Variants in NAV3 observed in about 807,000 individuals in gnomAD.
NAV3 encodes the protein neuron navigator 3.
NAV3 carries 87 observed loss-of-function variants against 244.7 expected under a neutral mutation model. That is an observed-to-expected ratio of 0.36 (90% CI 0.30 to 0.42). NAV3 has a LOEUF of 0.42. NAV3 is among the 20% of genes least tolerant of loss of function. The pLI, the probability that NAV3 is intolerant of heterozygous loss-of-function variation, is 1.00. For synonymous variants in NAV3, 1,126 were observed against 1,042.2 expected (o/e 1.08, Z -1.55); for missense variants, 2,663 against 2,893.3 (o/e 0.92, Z 1.83).
chr12:78,119,756 G>T lies in NAV3; in HGVS notation c.3560G>T (p.Gly1187Val), dbSNP rs1220290845. Residue 1187 changes from glycine (G) to valine (V), a missense_variant, in exon 15 of 40, where the codon GGG becomes GTG. By Grantham distance (109) the Gly-to-Val change is moderately radical. Transcript: ENST00000397909. ...AGAGAACCAACTAAAATTGGGTCAGGGCGCTCGAGTCCTGTCACCGTCAAC... is the reference window on the plus strand; with the variant it reads ...AGAGAACCAACTAAAATTGGGTCAGTGCGCTCGAGTCCTGTCACCGTCAAC... Reference protein sequence around the residue: ...KLREPTKIGSGRSSPVTVNQT... With the variant: ...KLREPTKIGSVRSSPVTVNQT... The T allele has an allele frequency of 1.2e-6, 2 of 1,614,048 alleles. No individual in the cohort carries two copies. The highest frequency in any genetic ancestry group is 2.2e-5 in the South Asian group (2 of 91,064).
chr12:78,205,699 T>C (rs1960225483), intron 39 of NAV3, among the ~76,000 whole-genome samples: 1 of 151,970 alleles, frequency 6.6e-6, no homozygotes, highest in Admixed American at 6.6e-5. Context: ...AAAGTATGAA[T>C]ATTCTGAAAA....
At chr12:77,836,524 A>G (rs1048823135) in intron 1 of NAV3, among the ~76,000 whole-genome samples, 1 of 151,342 alleles carries the variant, frequency 6.6e-6, no homozygotes, top group Admixed American at 6.6e-5. Flanking sequence ...CATTTCAAAG[A>G]AAGTATTATA....
At chr12:77,843,787 G>A (rs747372918) in intron 1 of NAV3, among the ~76,000 whole-genome samples, 1 of 151,554 alleles carries the variant, frequency 6.6e-6, no homozygotes, top group African/African-American at 2.4e-5. Flanking sequence ...CACAAAGGGC[G>A]GGGGGCATTG....
At chr12:78,053,240 A>ATATG (rs935495756) in intron 11 of NAV3, among the ~76,000 whole-genome samples, 9 of 150,478 alleles carry the variant, frequency 6.0e-5, no homozygotes, top group African/African-American at 1.2e-4. Flanking sequence ...TATAATATAT[A>ATATG]TATGTATGTA....
chr12:77,628,935 G>T (rs1871763920), intron 2 of NAV3, among the ~76,000 whole-genome samples: 1 of 146,696 alleles, frequency 6.8e-6, no homozygotes, highest in Non-Finnish European at 1.5e-5. Flanking sequence ...AAATCAAAAT[G>T]TATCCTCTGC....
chr12:78,005,351 A>C (rs1874017047), intron 7 of NAV3, among the ~76,000 whole-genome samples: 1 of 152,354 alleles, frequency 6.6e-6, no homozygotes, highest in East Asian at 1.9e-4. Flanking sequence ...GAAACATTTA[A>C]TGAATTTAGC....
At position 77,873,176 on chromosome 12, in the gene NAV3, C is replaced by A. The variant is rs1225807659; in HGVS notation, c.243+41472C>A. ...CACCATGATTGTGAGGCCTCTCCAG[C>A]CATGTGGAACTTGAGTCCCTTATAC... On this transcript the variant is annotated intron_variant, in intron 1 of 39. Coordinates refer to ENST00000397909, the MANE Select transcript of NAV3 (RefSeq NM_001024383.2). Among the ~76,000 whole-genome samples the A allele has an allele frequency of 3.3e-5, 5 of 152,212 alleles. No homozygotes were observed. The East Asian group carries it at 9.6e-4, about 29-fold the overall frequency.
chr12:77,873,742 G>GTA (rs1294527901), intron 1 of NAV3, among the ~76,000 whole-genome samples: 34 of 57,972 alleles, frequency 5.9e-4, no homozygotes, highest in African/African-American at 9.4e-4. Flanking sequence ...ATATGTGTGT[G>GTA]TGTATATATA....
intron 2 of NAV3, among the ~76,000 whole-genome samples, chr12:77,789,460 G>A (rs1253020217): frequency 6.6e-6 from 1 of 151,582 alleles, no homozygotes; most frequent in Non-Finnish European, 1.5e-5. Context: ...GGCCACATTG[G>A]AAGAATAATT....
chr12:77,843,019 CT>C (rs775097825), intron 1 of NAV3, among the ~76,000 whole-genome samples: 1 of 151,798 alleles, frequency 6.6e-6, no homozygotes, highest in African/African-American at 2.4e-5. Context: ...CTTGCTGTAC[CT>C]TTTTTTTGGA....
At chr12:77,875,194 A>G (rs141681695) in intron 1 of NAV3, among the ~76,000 whole-genome samples, 192 of 152,172 alleles carry the variant, frequency 1.3e-3, no homozygotes, top group African/African-American at 3.8e-3. Context: ...CAAGTTATAA[A>G]TGTTTAAATT....
intron 3 of NAV3, among the ~76,000 whole-genome samples, chr12:77,952,893 T>A (rs1032324604): frequency 2.0e-5 from 3 of 152,132 alleles, no homozygotes; most frequent in Non-Finnish European, 4.4e-5. Flanking sequence ...AGTTGTTATA[T>A]GTAACTTGAG....
intron 2 of NAV3, among the ~76,000 whole-genome samples, chr12:77,787,742 A>G (rs1422941204): frequency 6.6e-6 from 1 of 152,212 alleles, no homozygotes; most frequent in Non-Finnish European, 1.5e-5. Context: ...CAGCCAAACC[A>G]TATCATGGGG....
chr12:77,615,240 GTATT>G (rs1371221998), intron 2 of NAV3, among the ~76,000 whole-genome samples: 6 of 152,068 alleles, frequency 3.9e-5, no homozygotes, highest in African/African-American at 1.4e-4. Flanking sequence ...TTTTAATGAA[GTATT>G]TATTTTATTT....
At chr12:77,994,444 T>A (rs1333036217) in intron 5 of NAV3, among the ~76,000 whole-genome samples, 1 of 152,238 alleles carries the variant, frequency 6.6e-6, no homozygotes, top group South Asian at 2.1e-4. Context: ...TCTTTCATCA[T>A]GTCAGTGAAA....
At chr12:78,047,489 G>A (rs56033440) in intron 9 of NAV3, among the ~76,000 whole-genome samples, 24,240 of 151,872 alleles carry the variant, frequency 0.16, 2,968 homozygotes, top group African/African-American at 0.35. Context: ...TCTGTCTCAA[G>A]CAAAACAAAA....
chr12:77,814,523 T>C (rs1172693126), intron 2 of NAV3, among the ~76,000 whole-genome samples: 1 of 151,662 alleles, frequency 6.6e-6, no homozygotes, highest in Non-Finnish European at 1.5e-5. Flanking sequence ...AATGGCTGGG[T>C]TAGAGCCAAT....
intron 9 of NAV3, among the ~76,000 whole-genome samples, chr12:78,038,281 T>G (rs1880254057): frequency 6.6e-6 from 1 of 152,240 alleles, no homozygotes. Context: ...ATTAAATTCC[T>G]GGCCATATCA....
At chr12:77,891,635 C>T (rs1273718755) in intron 1 of NAV3, among the ~76,000 whole-genome samples, 1 of 152,104 alleles carries the variant, frequency 6.6e-6, no homozygotes, top group Non-Finnish European at 1.5e-5. Context: ...AAAATGTACT[C>T]GGTCATAGAA....
Sources: allele counts gnomAD v4.1 joint callset (sites outside exome capture counted in the v4.1 genomes callset), GRCh38; gene constraint gnomAD v4.1.1; transcripts MANE v1.5; gene names NCBI Gene and HGNC (gene_info 2026-07-23, HGNC 2026-07-21).